The following ASCC1 variants were observed in gnomAD, a reference collection of about 807,000 sequenced individuals.
The protein encoded by ASCC1 is activating signal cointegrator 1 complex subunit 1.
ASCC1 carries 35 observed loss-of-function variants against 46.6 expected under a neutral mutation model. The observed-to-expected ratio is 0.75, with a 90% CI of 0.57 to 0.99. The LOEUF (loss-of-function observed/expected upper bound fraction) is 0.99, where lower values mean the gene tolerates loss of function less well. Ranked by LOEUF, ASCC1 falls within the 50% of genes least tolerant of loss-of-function variation. ASCC1 has a pLI of 0.00. For synonymous variants in ASCC1, 143 were observed against 146.6 expected, an observed-to-expected ratio of 0.98 and a Z score of 0.18; for missense variants, 376 against 428.7, an observed-to-expected ratio of 0.88 and a Z score of 1.09.
intron 5 of ASCC1, among the ~76,000 whole-genome samples, chr10:72,186,738 T>C (rs1451051760): frequency 6.6e-6 from 1 of 152,134 alleles, no homozygotes; most frequent in Non-Finnish European, 1.5e-5. Flanking sequence ...AGGGCCGAAT[T>C]TGAAGACAGA....
intron 6 of ASCC1, among the ~76,000 whole-genome samples, chr10:72,154,964 A>G (rs1848776954): frequency 6.6e-6 from 1 of 152,226 alleles, no homozygotes. Context: ...AAAACAATAT[A>G]AAAAACATTA....
chr10:72,154,933 G>A (rs1234833205), intron 6 of ASCC1, among the ~76,000 whole-genome samples: 2 of 152,080 alleles, frequency 1.3e-5, no homozygotes, highest in East Asian at 3.9e-4. Flanking sequence ...TGTGACTAAG[G>A]AAGCTTTTAG....
chr10:72,152,740 AAG>A (rs968795419), intron 7 of ASCC1, 127 bp downstream of exon 7: 5 of 1,147,428 alleles, frequency 4.4e-6, no homozygotes, highest in African/African-American at 3.2e-5. Flanking sequence ...ATTAAAAAAA[AAG>A]AGAGAGAAAT....
At chr10:72,168,319 T>C (rs1056896678) in intron 5 of ASCC1, among the ~76,000 whole-genome samples, 3 of 152,178 alleles carry the variant, frequency 2.0e-5, no homozygotes, top group Non-Finnish European at 4.4e-5. Flanking sequence ...CTCGAACATG[T>C]AGAAAGACAT....
chr10:72,108,133 G>C (rs1021652980), intron 9 of ASCC1, among the ~76,000 whole-genome samples: 1 of 147,258 alleles, frequency 6.8e-6, no homozygotes, highest in Admixed American at 6.9e-5. Flanking sequence ...CTGGAGTGCA[G>C]TGGCGTGATC....
intron 5 of ASCC1, among the ~76,000 whole-genome samples, chr10:72,176,005 T>C (rs1012541448): frequency 6.6e-6 from 1 of 152,186 alleles, no homozygotes; most frequent in African/African-American, 2.4e-5. Flanking sequence ...TAATTACAAT[T>C]ATAACAACAA....
chr10:72,102,703 G>A (rs765925006), intron 9 of ASCC1: 1 of 363,616 alleles, frequency 2.8e-6, no homozygotes, highest in Non-Finnish European at 5.3e-6. Context: ...GGCCGGATGT[G>A]GTGGCTCACA....
chr10:72,139,651 G>GT (rs1197413826), intron 7 of ASCC1, among the ~76,000 whole-genome samples: 1 of 152,198 alleles, frequency 6.6e-6, no homozygotes, highest in Non-Finnish European at 1.5e-5. Context: ...TTAAAGGCCT[G>GT]TAAGTGCTAT....
At chr10:72,153,099 TAC>T (rs1848559913) in intron 6 of ASCC1, 111 bp from the exon 7 acceptor site, 2 of 1,372,480 alleles carry the variant, frequency 1.5e-6, no homozygotes, top group South Asian at 2.5e-5. Flanking sequence ...CTTACATGTG[TAC>T]AAAAACATGG....
chr10:72,111,166 C>T (rs979537351), intron 9 of ASCC1, among the ~76,000 whole-genome samples: 2 of 152,114 alleles, frequency 1.3e-5, no homozygotes, highest in African/African-American at 4.8e-5. Context: ...CCGTGCATGT[C>T]ACAGTCATAA....
chr10:72,148,500 A>C (rs995650232), intron 7 of ASCC1, among the ~76,000 whole-genome samples: 1 of 150,698 alleles, frequency 6.6e-6, no homozygotes, highest in African/African-American at 2.4e-5. Context: ...AGAGAAAATC[A>C]AGGAAAATAA....
Position 72,096,270 on chromosome 10 carries a change from C to T in ASCC1, c.*1064G>A, listed in dbSNP as rs1349453956. On this transcript the variant is annotated 3_prime_UTR_variant, in exon 10 of 10. Transcript: ENST00000672957. The stretch of plus-strand genomic sequence containing the variant: ...GGGGCTCCCCAGCATTCCCGCCTCC[C>T]TCTGCTGGTCCGTGGTGAGGGAGGA... 1 of 454,060 alleles carries T rather than the reference C, an allele frequency of 2.2e-6. No individual in the cohort carries two copies. Among genetic ancestry groups the T allele is most frequent in the Non-Finnish European group, 4.4e-6 (1 of 226,772 alleles). 28.1% of individuals were successfully genotyped at this position (454,060 alleles called of 1,614,324 possible).
At chr10:72,184,836 A>G (rs542724422) in intron 5 of ASCC1, among the ~76,000 whole-genome samples, 1 of 152,070 alleles carries the variant, frequency 6.6e-6, no homozygotes, top group East Asian at 1.9e-4. Flanking sequence ...AACAAAAAAA[A>G]TTTTAAATAA....
chr10:72,205,167 T>C (rs749226260), intron 3 of ASCC1, among the ~76,000 whole-genome samples: 4 of 151,602 alleles, frequency 2.6e-5, no homozygotes, highest in African/African-American at 9.7e-5. Flanking sequence ...AGTGAGATCC[T>C]GTCTCTAAAA....
intron 5 of ASCC1, among the ~76,000 whole-genome samples, chr10:72,192,948 T>C (rs889908146): frequency 6.6e-6 from 1 of 152,228 alleles, no homozygotes; most frequent in African/African-American, 2.4e-5. Context: ...ACTACACAGC[T>C]ATTAGAATAG....
chr10:72,179,732 T>C (rs1852323500), intron 5 of ASCC1, among the ~76,000 whole-genome samples: 1 of 152,228 alleles, frequency 6.6e-6, no homozygotes, highest in Admixed American at 6.5e-5. Context: ...TTTAGAACAC[T>C]GTCTAGCAAA....
Position 72,213,170 on chromosome 10 carries a change from A to T in ASCC1, c.112+17T>A. The T allele has an allele frequency of 6.4e-7, 1 of 1,556,604 alleles. No individual in the cohort carries two copies. Among genetic ancestry groups the T allele is most frequent in the African/African-American group, 1.4e-5 (1 of 73,538 alleles). ...GACATTTTACTTCTTATCTGACCAA[A>T]GAGCAACTAGGATTACCTTGATAGA... On this transcript the variant is annotated intron_variant, in intron 2 of 9. Transcript: ENST00000672957.
At chr10:72,121,871 G>A (rs564273205) in intron 9 of ASCC1, among the ~76,000 whole-genome samples, 1 of 152,286 alleles carries the variant, frequency 6.6e-6, no homozygotes, top group East Asian at 1.9e-4. Context: ...GGATATAGTA[G>A]AACTCAACAG....
chr10:72,201,502 T>C (rs374852545), intron 4 of ASCC1, among the ~76,000 whole-genome samples: 43 of 150,648 alleles, frequency 2.9e-4, no homozygotes, highest in South Asian at 1.7e-3. Context: ...CTGGGCAACA[T>C]AGCAAGACCC....
Sources: gnomAD v4.1 joint callset for allele counts (sites outside exome capture counted in the v4.1 genomes callset) on GRCh38, gnomAD v4.1.1 for gene constraint, MANE v1.5 for transcripts, NCBI Gene and HGNC (gene_info 2026-07-23, HGNC 2026-07-21) for gene names.